DCAF1: variants seen among roughly 807,000 people sequenced by gnomAD.
The protein encoded by DCAF1 is DDB1- and CUL4-associated factor 1.
In DCAF1, 15 loss-of-function variants were observed where a neutral mutation model predicts 128.0. The ratio of observed to expected loss-of-function variants is 0.12; its 90% CI spans 0.08 to 0.18. The LOEUF is 0.18. Among genes scored for constraint, DCAF1 ranks in the 10% least tolerant of loss-of-function variants. The probability of loss-of-function intolerance (pLI) is 1.00; values close to 1 mark genes in which losing one functional copy is unlikely to be tolerated. For missense variants in DCAF1, 988 were observed against 1,649.5 expected, an observed-to-expected ratio of 0.60 and a Z score of 6.95; for synonymous variants, 610 against 603.0, an observed-to-expected ratio of 1.01 and a Z score of -0.17.
At chr3:51,480,462 G>C (rs979264872) in intron 3 of DCAF1, among the ~76,000 whole-genome samples, 1 of 151,946 alleles carries the variant, frequency 6.6e-6, no homozygotes, top group Non-Finnish European at 1.5e-5. Flanking sequence ...GGGCGTGCGT[G>C]GTGGTGGGCG....
At chr3:51,453,624 G>A (rs938928052) in intron 6 of DCAF1, among the ~76,000 whole-genome samples, 10 of 151,884 alleles carry the variant, frequency 6.6e-5, no homozygotes, top group African/African-American at 2.4e-4. Context: ...GATTTCCAGA[G>A]TGTTTAAGAA....
intron 6 of DCAF1, among the ~76,000 whole-genome samples, chr3:51,459,978 T>G (rs1158035641): frequency 6.6e-6 from 1 of 152,102 alleles, no homozygotes; most frequent in Non-Finnish European, 1.5e-5. Context: ...CTGGAAGCAT[T>G]CCCTTTGAAA....
At chr3:51,444,699 A>G (rs1701677676) in intron 6 of DCAF1, among the ~76,000 whole-genome samples, 1 of 150,904 alleles carries the variant, frequency 6.6e-6, no homozygotes, top group Non-Finnish European at 1.5e-5. Context: ...TAATTGAGAC[A>G]GAGTCTTGCT....
chr3:51,411,020 G>A (rs1553628291), intron 23 of DCAF1, among the ~76,000 whole-genome samples: 1 of 152,118 alleles, frequency 6.6e-6, no homozygotes, highest in Non-Finnish European at 1.5e-5. Flanking sequence ...AATTAGCTGG[G>A]CATAGTGACA....
intron 9 of DCAF1, among the ~76,000 whole-genome samples, chr3:51,433,654 G>T (rs1559505503): frequency 6.6e-6 from 1 of 151,326 alleles, no homozygotes; most frequent in Admixed American, 6.6e-5. Flanking sequence ...GTAGAGACGG[G>T]GTTTCACCAT....
At chr3:51,443,445 C>T (rs1208452711) in intron 7 of DCAF1, among the ~76,000 whole-genome samples, 5 of 151,926 alleles carry the variant, frequency 3.3e-5, no homozygotes, top group Admixed American at 1.3e-4. Flanking sequence ...AAAAAATTAG[C>T]TGGGCATAGT....
intron 3 of DCAF1, 90 bp from the exon 4 acceptor site, chr3:51,471,095 A>T: frequency 1.3e-6 from 1 of 751,070 alleles, no homozygotes; most frequent in East Asian, 2.5e-5. Flanking sequence ...CAAGGTAGAA[A>T]ATAAAAGCAA....
chr3:51,476,352 C>A (rs1400015903), intron 3 of DCAF1, among the ~76,000 whole-genome samples: 1 of 151,216 alleles, frequency 6.6e-6, no homozygotes, highest in East Asian at 2.0e-4. Flanking sequence ...GATCGAGCCA[C>A]TGCACTCCAG....
At chr3:51,402,913 C>T (rs542316023) in intron 24 of DCAF1, among the ~76,000 whole-genome samples, 63 of 152,238 alleles carry the variant, frequency 4.1e-4, no homozygotes, top group Middle Eastern at 3.4e-3. Flanking sequence ...AAAAAGTCTG[C>T]CAATCTCTAC....
intron 15 of DCAF1, 114 bp downstream of exon 15, chr3:51,419,620 T>C (rs1269822906): frequency 6.8e-7 from 1 of 1,477,870 alleles, no homozygotes. Context: ...GTTCAAGTAT[T>C]ACACAAAGTA....
rs1553638840 is a variant in DCAF1, at chr3:51,441,763, C to G, written c.648G>C (p.Met216Ile). ...LLPLDEEAVD[M>I]DYGDMAVDVV... is the part of the protein sequence containing the mutation. The stretch of plus-strand genomic sequence containing the variant: ...CATCTACAGCCATGTCACCATAGTC[C>G]ATATCCACAGCCTCCTCATCCAGAG... The change falls in exon 8 of 25, where the codon ATG becomes ATC. Residue 216 changes from methionine to isoleucine, a missense_variant. By Grantham distance (10) the Met-to-Ile change is conservative. Coordinates refer to ENST00000684031, the MANE Select transcript of DCAF1 (RefSeq NM_001387579.1). The G allele has an allele frequency of 1.2e-6, 2 of 1,613,938 alleles. No individual in the cohort carries two copies. The highest frequency in any genetic ancestry group is 2.2e-5 in the South Asian group (2 of 91,080).
chr3:51,502,783 C>A (rs1708850768), upstream of DCAF1, among the ~76,000 whole-genome samples: 1 of 151,916 alleles, frequency 6.6e-6, no homozygotes, highest in African/African-American at 2.4e-5. Context: ...CTCCCCCTCC[C>A]CAACATGCAC....
chr3:51,434,144 G>C (rs1223506022), intron 9 of DCAF1, among the ~76,000 whole-genome samples: 1 of 151,706 alleles, frequency 6.6e-6, no homozygotes, highest in Admixed American at 6.6e-5. Context: ...TCTCACTCCT[G>C]CAATTCTAGT....
chr3:51,409,410 C>A (rs1045115919), intron 23 of DCAF1, among the ~76,000 whole-genome samples: 7 of 152,130 alleles, frequency 4.6e-5, no homozygotes, highest in Admixed American at 1.3e-4. Context: ...TGACCTCCCC[C>A]TCAAAGACAG....
At chr3:51,432,773 T>C (rs1700504312) in intron 10 of DCAF1, among the ~76,000 whole-genome samples, 1 of 152,160 alleles carries the variant, frequency 6.6e-6, no homozygotes, top group Non-Finnish European at 1.5e-5. Context: ...GTTTTTACAA[T>C]AACTCATAAA....
chr3:51,450,734 G>C (rs1368806340), intron 6 of DCAF1, among the ~76,000 whole-genome samples: 1 of 152,018 alleles, frequency 6.6e-6, no homozygotes, highest in Non-Finnish European at 1.5e-5. Context: ...TTCCCACCTC[G>C]GCCTCCCAAA....
chr3:51,477,137 C>T (rs1282833287), intron 3 of DCAF1, among the ~76,000 whole-genome samples: 1 of 151,914 alleles, frequency 6.6e-6, no homozygotes, highest in African/African-American at 2.4e-5. Context: ...CAGCCCCTTT[C>T]AACAGAATCA....
At chr3:51,404,381 C>T (rs972431199) in intron 23 of DCAF1, among the ~76,000 whole-genome samples, 1 of 152,142 alleles carries the variant, frequency 6.6e-6, no homozygotes, top group African/African-American at 2.4e-5. Context: ...ATAAGCCCAA[C>T]GTAAGCACAA....
At chr3:51,408,230 C>T (rs1698079946) in intron 23 of DCAF1, among the ~76,000 whole-genome samples, 1 of 152,144 alleles carries the variant, frequency 6.6e-6, no homozygotes, top group Admixed American at 6.5e-5. Flanking sequence ...AGCATAAGGA[C>T]AAAGGACAAA....
Sources: gnomAD v4.1 joint callset for allele counts (sites outside exome capture counted in the v4.1 genomes callset) on GRCh38, gnomAD v4.1.1 for gene constraint, MANE v1.5 for transcripts, NCBI Gene and HGNC (gene_info 2026-07-23, HGNC 2026-07-21) for gene names.